The following C9 variants were observed in gnomAD, a reference collection of about 807,000 sequenced individuals.
C9 encodes complement component C9.
Under a neutral mutation model 65.4 loss-of-function variants are expected in C9, and 63 were observed. The observed-to-expected ratio is 0.96, with a 90% CI of 0.79 to 1.19. The LOEUF is 1.19. C9 is among the 50% of genes most tolerant of loss of function. C9 has a pLI of 0.00. For missense variants in C9, 744 were observed against 670.1 expected, an observed-to-expected ratio of 1.11 and a Z score of -1.22; for synonymous variants, 229 against 227.9, an observed-to-expected ratio of 1.00 and a Z score of -0.04.
At chr5:39,353,296 T>A (rs1198710509) in intron 1 of C9, among the ~76,000 whole-genome samples, 1 of 152,224 alleles carries the variant, frequency 6.6e-6, no homozygotes, top group East Asian at 1.9e-4. Context: ...AATAATAAAT[T>A]TGTGTTTTAA....
chr5:39,359,014 AAAAATAT>A (rs1754463746), intron 1 of C9, among the ~76,000 whole-genome samples: 1 of 15,848 alleles, frequency 6.3e-5, no homozygotes, highest in African/African-American at 2.8e-4. Context: ...TAAATAAATA[AAAAATAT>A]ATATATATAT....
intron 1 of C9, among the ~76,000 whole-genome samples, chr5:39,355,413 T>C (rs1313435487): frequency 6.6e-6 from 1 of 152,138 alleles, no homozygotes; most frequent in Non-Finnish European, 1.5e-5. Context: ...TGACTATGTG[T>C]ACACTTATTT....
intron 9 of C9, among the ~76,000 whole-genome samples, chr5:39,299,115 T>C (rs1753238132): frequency 6.6e-6 from 1 of 151,918 alleles, no homozygotes; most frequent in African/African-American, 2.4e-5. Context: ...ATTAGATGCA[T>C]TAGACAATGC....
At chr5:39,342,881 C>T (rs902152924) in intron 1 of C9, among the ~76,000 whole-genome samples, 1 of 152,146 alleles carries the variant, frequency 6.6e-6, no homozygotes, top group Non-Finnish European at 1.5e-5. Flanking sequence ...TTCCTTTCTC[C>T]GTTGGTTCAC....
chr5:39,323,481 A>C (rs1753696897), intron 5 of C9, among the ~76,000 whole-genome samples: 1 of 150,714 alleles, frequency 6.6e-6, no homozygotes, highest in Non-Finnish European at 1.5e-5. Context: ...TGATCAAGTG[A>C]GATTTATATC....
chr5:39,306,063 T>C (rs970645674), intron 9 of C9, among the ~76,000 whole-genome samples: 1 of 150,118 alleles, frequency 6.7e-6, no homozygotes, highest in African/African-American at 2.5e-5. Flanking sequence ...CTGAGGAGGC[T>C]GAGGCATGAG....
At chr5:39,322,143 A>G (rs1476894954) in intron 5 of C9, among the ~76,000 whole-genome samples, 1 of 152,094 alleles carries the variant, frequency 6.6e-6, no homozygotes, top group Non-Finnish European at 1.5e-5. Context: ...TTAAAATAAT[A>G]TTAAGGATCT....
chr5:39,355,222 G>T lies in C9; in HGVS notation c.77+9166C>A, dbSNP rs10056049. Among the ~76,000 whole-genome samples the T allele has an allele frequency of 1.2e-3, 187 of 152,248 alleles. 3 individuals are homozygous for T. The highest frequency in any genetic ancestry group is 4.1e-3 in the African/African-American group (169 of 41,530). On this transcript the variant is annotated intron_variant, in intron 1 of 10. Coordinates refer to ENST00000263408, the MANE Select transcript of C9 (RefSeq NM_001737.5). ...CTGTACAGACTGGAGAATCATGCATGGAAGGTAAAACTCACTGCAAATACT... is the reference window on the plus strand; with the variant it reads ...CTGTACAGACTGGAGAATCATGCATTGAAGGTAAAACTCACTGCAAATACT...
chr5:39,289,019 C>A, intron 9 of C9, 68 bp from the exon 10 acceptor site: 1 of 844,452 alleles, frequency 1.2e-6, no homozygotes, highest in African/African-American at 1.7e-5. Flanking sequence ...ATACACTTTA[C>A]TTAATTATTC....
At chr5:39,307,584 G>A (rs187466576) in intron 8 of C9, among the ~76,000 whole-genome samples, 9 of 152,094 alleles carry the variant, frequency 5.9e-5, no homozygotes, top group African/African-American at 1.7e-4. Flanking sequence ...CCTCACTTTT[G>A]CCTCCCCACT....
At chr5:39,316,377 A>T (rs1217231940) in intron 5 of C9, among the ~76,000 whole-genome samples, 4 of 152,318 alleles carry the variant, frequency 2.6e-5, no homozygotes, top group Non-Finnish European at 5.9e-5. Flanking sequence ...TCTGGGGTAC[A>T]TGTGCAGGAT....
At chr5:39,312,761 T>C (rs568051661) in intron 6 of C9, among the ~76,000 whole-genome samples, 5 of 152,204 alleles carry the variant, frequency 3.3e-5, no homozygotes. Context: ...ATGATGATTA[T>C]GTGGGAGTTT....
chr5:39,296,425 A>G (rs1007947570), intron 9 of C9, among the ~76,000 whole-genome samples: 5 of 151,608 alleles, frequency 3.3e-5, no homozygotes, highest in Non-Finnish European at 7.4e-5. Context: ...AAAATGTTCA[A>G]TATCAAACGG....
intron 1 of C9, among the ~76,000 whole-genome samples, chr5:39,346,749 G>A (rs1441083447): frequency 1.3e-5 from 2 of 152,186 alleles, no homozygotes; most frequent in Non-Finnish European, 2.9e-5. Context: ...TATCTCTGAT[G>A]AACATTGATG....
At chr5:39,327,122 T>C (rs1753760746) in intron 5 of C9, among the ~76,000 whole-genome samples, 2 of 152,224 alleles carry the variant, frequency 1.3e-5, no homozygotes, top group Middle Eastern at 3.4e-3. Flanking sequence ...TTTTAGAAGA[T>C]GGAGGATTCA....
At chr5:39,346,908 C>T (rs1276478391) in intron 1 of C9, among the ~76,000 whole-genome samples, 1 of 152,106 alleles carries the variant, frequency 6.6e-6, no homozygotes, top group Non-Finnish European at 1.5e-5. Flanking sequence ...TAAACAGAAA[C>T]AAAGACAAAA....
intron 9 of C9, among the ~76,000 whole-genome samples, chr5:39,289,280 T>C (rs1241819889): frequency 1.3e-5 from 2 of 151,810 alleles, no homozygotes; most frequent in African/African-American, 4.8e-5. Context: ...AACTTCTGGC[T>C]TGATAATTTA....
At chr5:39,354,708 C>T (rs1311591622) in intron 1 of C9, among the ~76,000 whole-genome samples, 1 of 152,164 alleles carries the variant, frequency 6.6e-6, no homozygotes, top group Non-Finnish European at 1.5e-5. Flanking sequence ...AATGTAAACT[C>T]TAGCTAGTTA....
At position 39,318,084 on chromosome 5, in the gene C9, G is replaced by C. The variant is rs867079668; in HGVS notation, c.616-2055C>G. Among the ~76,000 whole-genome samples, 3 of 151,838 alleles carry C rather than the reference G, an allele frequency of 2.0e-5. No individual in the cohort carries two copies. The South Asian group carries it at 6.2e-4, about 31-fold the overall frequency. On this transcript the variant is annotated intron_variant, in intron 5 of 10. Coordinates refer to ENST00000263408, the MANE Select transcript of C9 (RefSeq NM_001737.5). ...ACTTGCTTTGTTAGCTGTATTCCTA[G>C]GTATTTTATGGGTTTTTTTTTTAGC...
Sources: allele counts gnomAD v4.1 joint callset (sites outside exome capture counted in the v4.1 genomes callset), GRCh38; gene constraint gnomAD v4.1.1; transcripts MANE v1.5; gene names NCBI Gene and HGNC (gene_info 2026-07-23, HGNC 2026-07-21).